INTS1: variants seen among roughly 807,000 people sequenced by gnomAD.
INTS1 encodes the protein integrator complex subunit 1.
A neutral mutation model predicts 241.6 loss-of-function variants in INTS1; 137 were observed. The observed-to-expected ratio is 0.57, with a 90% CI of 0.49 to 0.65. The LOEUF (loss-of-function observed/expected upper bound fraction) is 0.65. Ranked by LOEUF, INTS1 falls within the 30% of genes least tolerant of loss-of-function variation. The probability of loss-of-function intolerance (pLI) is 0.00; values close to 1 mark genes in which losing one functional copy is unlikely to be tolerated. For missense variants in INTS1, 3,073 were observed against 3,032.2 expected, an observed-to-expected ratio of 1.01 and a Z score of -0.32; for synonymous variants, 1,692 against 1,337.8, an observed-to-expected ratio of 1.26 and a Z score of -5.78.
chr7:1,479,722 G>A, intron 30 of INTS1, 38 bp from the exon 31 acceptor site: 2 of 1,385,258 alleles, frequency 1.4e-6, no homozygotes, highest in Non-Finnish European at 1.9e-6. Context: ...GGAAGCGGAG[G>A]AGAAGGAGGA....
At chr7:1,484,930 G>C (rs1256441644) in intron 24 of INTS1, among the ~76,000 whole-genome samples, 168 bp downstream of exon 24, 4 of 142,512 alleles carry the variant, frequency 2.8e-5, no homozygotes, top group African/African-American at 5.3e-5. Flanking sequence ...CCCAGGGCAG[G>C]GTCTCTGTGC....
At chr7:1,471,486 G>A (rs1781464902) in intron 45 of INTS1, 85 bp downstream of exon 45, 1 of 1,430,190 alleles carries the variant, frequency 7.0e-7, no homozygotes, top group Non-Finnish European at 9.8e-7. Context: ...CTCAGCGCGG[G>A]CACGCCATGT....
At position 1,478,744 on chromosome 7, in the gene INTS1, C is replaced by G; in HGVS notation, c.4471G>C (p.Gly1491Arg). ...LRMLASQASA[G>R]RRLSDVRGGL... The stretch of plus-strand genomic sequence containing the variant: ...TCCTCACCATCACTGAGCCTGCGCC[C>G]GGCTGAGGCCTGGCTGGCAAGCATC... The change falls in exon 32 of 48, where the codon GGG becomes CGG. Residue 1491 changes from glycine (G) to arginine (R), a missense_variant. By Grantham distance (125) the Gly-to-Arg change is moderately radical. Transcript: ENST00000404767. 6.3e-7 allele frequency: 1 copy of G among 1,585,958 alleles called. No individual in the cohort carries two copies.
At position 1,483,759 on chromosome 7, in the gene INTS1, G is replaced by A. The variant is rs1782110668; in HGVS notation, c.3524C>T (p.Thr1175Met). ...LVVHAMVILL[T>M]LGPPRADDSE... Reference sequence around the variant, plus strand: ...CGGCTCACCTCGAGGCGGGCCCAGCGTCAGCAGGATCACCATGGCATGGAC... The same window carrying A: ...CGGCTCACCTCGAGGCGGGCCCAGCATCAGCAGGATCACCATGGCATGGAC... Residue 1175 changes from threonine (T) to methionine (M), a missense_variant, in exon 26 of 48, where the codon ACG becomes ATG. Transcript: ENST00000404767. 10 of 1,611,012 alleles carry A rather than the reference G, an allele frequency of 6.2e-6. No individual in the cohort carries two copies. Among genetic ancestry groups the A allele is most frequent in the Non-Finnish European group, 7.6e-6 (9 of 1,179,662 alleles).
rs753299639 is a variant in INTS1, at chr7:1,483,771, A to G, written c.3512T>C (p.Val1171Ala). ...TMHILVVHAM[V>A]ILLTLGPPRA... ...AGGCGGGCCCAGCGTCAGCAGGATC[A>G]CCATGGCATGGACCACGAGGATGTG... Residue 1171 changes from valine to alanine, a missense_variant, in exon 26 of 48, where the codon GTG becomes GCG. By Grantham distance (64) the Val-to-Ala change is moderately conservative. Transcript: ENST00000404767. 3.7e-5 allele frequency: 59 copies of G among 1,611,838 alleles called. No homozygotes were observed. The highest frequency in any genetic ancestry group is 1.0e-4 in the Admixed American group (6 of 59,996).
At chr7:1,487,122 C>T in intron 20 of INTS1, 21 bp from the exon 21 acceptor site, 1 of 1,539,758 alleles carries the variant, frequency 6.5e-7, no homozygotes, top group Non-Finnish European at 8.7e-7. Flanking sequence ...GACAGTGGCG[C>T]CCGCTCAGCA....
intron 43 of INTS1, 140 bp from the exon 44 acceptor site, chr7:1,472,526 T>C: frequency 1.7e-6 from 1 of 601,606 alleles, no homozygotes; most frequent in South Asian, 2.0e-5. Flanking sequence ...GCTCCACAAA[T>C]GGGGTGGAGC....
chr7:1,498,065 C>G lies in INTS1; in HGVS notation c.1425+347G>C, dbSNP rs551442439. The stretch of plus-strand genomic sequence containing the variant: ...CCGGTCTCCACAAAATTTTTAAAAA[C>G]TACCTTACTATCCAAAGGCAGGAAT... On this transcript the variant is annotated intron_variant, in intron 10 of 47. Coordinates refer to ENST00000404767, the MANE Select transcript of INTS1 (RefSeq NM_001080453.3). Among the ~76,000 whole-genome samples, 199 of 151,868 alleles carry G rather than the reference C, an allele frequency of 1.3e-3. 1 individual carries two copies. The highest frequency in any genetic ancestry group is 2.5e-3 in the South Asian group (12 of 4,808).
At chr7:1,478,091 C>T (rs942252815) in intron 33 of INTS1, among the ~76,000 whole-genome samples, 155 bp from the exon 34 acceptor site, 1 of 151,894 alleles carries the variant, frequency 6.6e-6, no homozygotes. Context: ...CAGCCGGGGC[C>T]GGAGAGGAGA....
rs190576673 is a variant in INTS1 at position 1,499,503 on chromosome 7, C to T, written c.814G>A (p.Ala272Thr). 32 of 1,609,876 alleles carry T rather than the reference C, an allele frequency of 2.0e-5. No homozygotes were observed. The African/African-American group carries it at 3.7e-4, about 19-fold the overall frequency. ...CCCAGGTCGCCCGCAACGCGGCCCGCCTCCCCCTGCAGCAGCACGCTCCTG... is the reference window on the plus strand; with the variant it reads ...CCCAGGTCGCCCGCAACGCGGCCCGTCTCCCCCTGCAGCAGCACGCTCCTG... ...PPRSVLLQGE[A>T]GRVAGDLGAG... Residue 272 changes from alanine (A) to threonine (T), a missense_variant, in exon 6 of 48, where the codon GCG becomes ACG. Coordinates refer to ENST00000404767, the MANE Select transcript of INTS1 (RefSeq NM_001080453.3).
chr7:1,475,901 C>T, intron 39 of INTS1, 47 bp downstream of exon 39: 1 of 1,519,400 alleles, frequency 6.6e-7, no homozygotes, highest in Non-Finnish European at 8.8e-7. Flanking sequence ...CCTGCCCGGC[C>T]AGGGCACCTG....
rs776000967 is a variant in INTS1, at chr7:1,474,233, C to T, written c.5764G>A (p.Val1922Met). The T allele has an allele frequency of 1.6e-5, 25 of 1,601,674 alleles. No homozygotes were observed. The highest frequency in any genetic ancestry group is 3.4e-5 in the Admixed American group (2 of 59,680). Residue 1922 changes from valine (V) to methionine (M), a missense_variant, in exon 41 of 48, where the codon GTG (valine) becomes ATG (methionine). Val to Met is a conservative substitution (Grantham distance 21, BLOSUM62 1). Transcript: ENST00000404767. ...GCCCCCTGGTGCTCGCTGCGGAACA[C>T]GTGCGGCTGCAGCAGCTCCAGCAGG... ...LGLLELLQPH[V>M]FRSEHQGALW...
chr7:1,492,891 G>C, intron 16 of INTS1, 119 bp downstream of exon 16: 1 of 585,034 alleles, frequency 1.7e-6, no homozygotes, highest in Non-Finnish European at 2.9e-6. Flanking sequence ...GGAGTGGGGA[G>C]CGGGGCGCAG....
At chr7:1,487,132 A>G (rs979491383) in intron 20 of INTS1, 31 bp from the exon 21 acceptor site, 28 of 1,537,206 alleles carry the variant, frequency 1.8e-5, no homozygotes, top group Non-Finnish European at 2.4e-5. Flanking sequence ...CCCGCTCAGC[A>G]CCTTCCAGGC....
rs192900964 is a variant in INTS1, at chr7:1,497,737, G to A, written c.1426-423C>T. On this transcript the variant is annotated intron_variant, in intron 10 of 47. Coordinates refer to ENST00000404767, the MANE Select transcript of INTS1 (RefSeq NM_001080453.3). The surrounding 1 kb of genome is among the most constrained non-coding windows in gnomAD (Gnocchi z 5.3). ...AAATGCCAGGCCGCGAAGACTGAAC[G>A]CGGAGCTGAGAGCGGCTGTGCCTCC... 6.6e-5 allele frequency among the ~76,000 whole-genome samples: 10 copies of A among 152,362 alleles called. No homozygotes were observed. Among genetic ancestry groups the A allele is most frequent in the Non-Finnish European group, 1.3e-4 (9 of 68,030 alleles).
At position 1,485,326 on chromosome 7, in the gene INTS1, G is replaced by A; in HGVS notation, c.3120C>T (p.Asp1040=). The change falls in exon 23 of 48, where the codon GAC becomes GAT. Residue 1040 remains aspartate (D), a synonymous_variant. Coordinates refer to ENST00000404767, the MANE Select transcript of INTS1 (RefSeq NM_001080453.3). ...LRDLPRLPLF[D]SVRSTTALAL... ...CCAGGGCTGTGGTGCTCCTGACGCT[G>A]TCGAACAGAGGCAGGCGAGGCAGGT... The A allele has an allele frequency of 6.2e-7, 1 of 1,612,140 alleles. No individual in the cohort carries two copies. The highest frequency in any genetic ancestry group is 1.1e-5 in the South Asian group (1 of 91,076).
chr7:1,504,345 C>T lies in INTS1; in HGVS notation c.-64G>A, dbSNP rs1369011. ...TACCTCTGGCCCATCGCGACCGGAG[C>T]GCCGCCGCCGCCACCCGGCCACCCC... On this transcript the variant is annotated 5_prime_UTR_variant, in exon 1 of 48. Coordinates refer to ENST00000404767, the MANE Select transcript of INTS1 (RefSeq NM_001080453.3). 20 of 501,452 alleles carry T rather than the reference C, an allele frequency of 4.0e-5. No homozygotes were observed. The highest frequency in any genetic ancestry group is 5.4e-5 in the Non-Finnish European group (14 of 259,372). The allele number at this position is 501,452 out of a possible 1,614,324, so 31.1% of individuals were successfully genotyped here. A position where few individuals can be genotyped will look rare whatever the true frequency, so the allele number is the denominator to read the frequency against.
At chr7:1,474,570 C>A in intron 40 of INTS1, 135 bp downstream of exon 40, 1 of 1,304,654 alleles carries the variant, frequency 7.7e-7, no homozygotes, top group Non-Finnish European at 1.0e-6. Flanking sequence ...TGACTTCCCC[C>A]GGTCAAGCTC....
chr7:1,475,897 C>T lies in INTS1; in HGVS notation c.5502+51G>A, dbSNP rs905352899. 33 of 1,516,620 alleles carry T rather than the reference C, an allele frequency of 2.2e-5. No homozygotes were observed. In the East Asian group the frequency reaches 2.5e-4, roughly 11 times the overall value. 93.9% of individuals were successfully genotyped at this position (1,516,620 alleles called of 1,614,324 possible). On this transcript the variant is annotated intron_variant, in intron 39 of 47. Transcript: ENST00000404767. ...GTGGCCTCCGCCCTCCCTCCCTGCC[C>T]GGCCAGGGCACCTGGGACGGCGGCG...
Sources: allele counts gnomAD v4.1 joint callset (sites outside exome capture counted in the v4.1 genomes callset), GRCh38; gene constraint gnomAD v4.1.1; non-coding constraint Gnocchi (gnomAD v3.1); transcripts MANE v1.5; gene names NCBI Gene and HGNC (gene_info 2026-07-23, HGNC 2026-07-21).